Variants in SOX5 observed in about 807,000 individuals in gnomAD.
SOX5 encodes the protein SRY-box transcription factor 5.
Under a neutral mutation model 92.0 loss-of-function variants are expected in SOX5, and 9 were observed. That is an observed-to-expected ratio of 0.10 (90% CI 0.06 to 0.17). The LOEUF is 0.17. Among genes scored for constraint, SOX5 ranks in the 10% least tolerant of loss-of-function variants. The pLI is 1.00. For synonymous variants in SOX5, 344 were observed against 336.3 expected (o/e 1.02, Z -0.25); for missense variants, 642 against 944.5 (o/e 0.68, Z 4.20).
chr12:24,194,408 GGTAGGTAGGTAGGTAGGTAGGTAT>G (rs1205106334), intron 4 of SOX5, among the ~76,000 whole-genome samples: 2,824 of 142,956 alleles, frequency 0.02, 76 homozygotes, highest in African/African-American at 0.072. Context: ...TATCTAGATA[GGTAGGTAGGTAGGTAGGTAGGTAT>G]GTAGGTAGGT....
At chr12:23,973,648 C>T (rs908853237) in intron 4 of SOX5, among the ~76,000 whole-genome samples, 4 of 152,174 alleles carry the variant, frequency 2.6e-5, no homozygotes, top group African/African-American at 9.7e-5. Flanking sequence ...CCTGAAACGT[C>T]TGATATACCA....
chr12:24,521,230 T>C (rs1332076623), intron 1 of SOX5, among the ~76,000 whole-genome samples: 4 of 151,966 alleles, frequency 2.6e-5, no homozygotes, highest in Non-Finnish European at 5.9e-5. Context: ...AATTTTTGTA[T>C]TTTTAGTAGA....
At chr12:23,534,808 C>T (rs1054112083) in intron 14 of SOX5, among the ~76,000 whole-genome samples, 1 of 149,550 alleles carries the variant, frequency 6.7e-6, no homozygotes, top group African/African-American at 2.5e-5. Context: ...CTCCAGGGTT[C>T]AAGCGATTCT....
chr12:24,411,958 T>C (rs1964176691), intron 1 of SOX5, among the ~76,000 whole-genome samples: 2 of 152,202 alleles, frequency 1.3e-5, no homozygotes. Context: ...CCTTTAACTG[T>C]TGTAAGGCTA....
intron 4 of SOX5, among the ~76,000 whole-genome samples, chr12:23,963,763 AG>A (rs1947231175): frequency 2.1e-5 from 2 of 97,296 alleles, no homozygotes; most frequent in Non-Finnish European, 2.1e-5. Context: ...GCATGAATGA[AG>A]TAAAAAAAAA....
chr12:23,723,786 C>A (rs1013176220), intron 6 of SOX5, among the ~76,000 whole-genome samples: 2 of 151,730 alleles, frequency 1.3e-5, no homozygotes, highest in Non-Finnish European at 2.9e-5. Flanking sequence ...ATGTATATGA[C>A]ATTAAAACCT....
At chr12:23,772,331 A>G (rs1027517452) in intron 3 of SOX5, among the ~76,000 whole-genome samples, 1 of 152,272 alleles carries the variant, frequency 6.6e-6, no homozygotes. Flanking sequence ...TTTAAAATCA[A>G]TAATACAGAT....
At chr12:24,482,086 T>A (rs1946057846) in intron 1 of SOX5, among the ~76,000 whole-genome samples, 1 of 152,146 alleles carries the variant, frequency 6.6e-6, no homozygotes, top group South Asian at 2.1e-4. Context: ...AGGGAAATTG[T>A]CCTTCGCCTC....
intron 7 of SOX5, among the ~76,000 whole-genome samples, chr12:23,643,342 G>GTGT (rs1323425373): frequency 6.6e-6 from 1 of 152,164 alleles, no homozygotes; most frequent in Non-Finnish European, 1.5e-5. Flanking sequence ...GGCCTAAAGG[G>GTGT]TGTTGTTGCG....
At chr12:23,982,033 T>C (rs1949620090) in intron 4 of SOX5, among the ~76,000 whole-genome samples, 1 of 152,164 alleles carries the variant, frequency 6.6e-6, no homozygotes, top group Admixed American at 6.5e-5. Flanking sequence ...GTGATCAACA[T>C]CCAGAATATT....
intron 2 of SOX5, among the ~76,000 whole-genome samples, chr12:24,332,187 A>G (rs1407551144): frequency 6.6e-6 from 1 of 152,184 alleles, no homozygotes; most frequent in African/African-American, 2.4e-5. Flanking sequence ...AGAACACTGC[A>G]GATAAAGAAA....
intron 3 of SOX5, among the ~76,000 whole-genome samples, chr12:23,792,266 A>G (rs1205524451): frequency 6.6e-6 from 1 of 151,954 alleles, no homozygotes; most frequent in Admixed American, 6.6e-5. Flanking sequence ...CCCCACAGTC[A>G]ACTGAGGAAA....
At position 23,554,366 on chromosome 12, in the gene SOX5, C is replaced by T. The variant is rs962655025; in HGVS notation, c.1489-7942G>A. On this transcript the variant is annotated intron_variant, in intron 11 of 14. Coordinates refer to ENST00000451604, the MANE Select transcript of SOX5 (RefSeq NM_006940.6). ...AAACAAAATTTTTTTGATCAAGTCTCAAAAATGTGCCAAGGGCTACACATG... is the reference window on the plus strand; with the variant it reads ...AAACAAAATTTTTTTGATCAAGTCTTAAAAATGTGCCAAGGGCTACACATG... 3.3e-5 allele frequency among the ~76,000 whole-genome samples: 5 copies of T among 152,102 alleles called. No homozygotes were observed. The East Asian group carries it at 5.8e-4, about 18-fold the overall frequency.
intron 3 of SOX5, among the ~76,000 whole-genome samples, chr12:24,228,909 G>C (rs1057465373): frequency 1.3e-5 from 2 of 152,106 alleles, no homozygotes; most frequent in African/African-American, 4.8e-5. Flanking sequence ...GACAATTAGT[G>C]GTTCACTTAA....
intron 3 of SOX5, among the ~76,000 whole-genome samples, chr12:24,238,565 C>T (rs969577645): frequency 3.9e-5 from 6 of 152,084 alleles, no homozygotes; most frequent in Non-Finnish European, 7.4e-5. Flanking sequence ...CCATGTTGCC[C>T]AGGTTGGTCT....
chr12:24,063,837 A>G (rs1940183076), intron 4 of SOX5, among the ~76,000 whole-genome samples: 1 of 152,334 alleles, frequency 6.6e-6, no homozygotes, highest in African/African-American at 2.4e-5. Flanking sequence ...CTACTTAATC[A>G]TTAATATCTC....
At chr12:23,861,388 A>C (rs1034694234) in intron 2 of SOX5, among the ~76,000 whole-genome samples, 3 of 152,202 alleles carry the variant, frequency 2.0e-5, no homozygotes, top group Non-Finnish European at 2.9e-5. Context: ...TTTGTCATGG[A>C]AACTTGATGA....
intron 4 of SOX5, among the ~76,000 whole-genome samples, chr12:24,076,935 T>G (rs1942696299): frequency 6.6e-6 from 1 of 152,158 alleles, no homozygotes; most frequent in South Asian, 2.1e-4. Flanking sequence ...AGAATCAGAT[T>G]ACAATACTAT....
intron 9 of SOX5, among the ~76,000 whole-genome samples, chr12:23,589,456 C>A (rs981596149): frequency 6.6e-6 from 1 of 151,786 alleles, no homozygotes; most frequent in Non-Finnish European, 1.5e-5. Flanking sequence ...TTCATTTATA[C>A]CTGACCTAAA....
Sources: gnomAD v4.1 joint callset for allele counts (sites outside exome capture counted in the v4.1 genomes callset) on GRCh38, gnomAD v4.1.1 for gene constraint, MANE v1.5 for transcripts, NCBI Gene and HGNC (gene_info 2026-07-23, HGNC 2026-07-21) for gene names.